The following EPHA6 variants were observed in gnomAD, a reference collection of about 807,000 sequenced individuals.
The protein encoded by EPHA6 is EPH receptor A6.
Under a neutral mutation model 112.0 loss-of-function variants are expected in EPHA6, and 50 were observed. The observed-to-expected ratio is 0.45, with a 90% CI of 0.36 to 0.56. The LOEUF is 0.56. Ranked by LOEUF, EPHA6 falls within the 20% of genes least tolerant of loss-of-function variation. The pLI, the probability that EPHA6 is intolerant of heterozygous loss-of-function variation, is 0.00. For synonymous variants in EPHA6, 529 were observed against 490.7 expected, an observed-to-expected ratio of 1.08 and a Z score of -1.03; for missense variants, 1,280 against 1,417.4, an observed-to-expected ratio of 0.90 and a Z score of 1.56.
At chr3:97,236,075 C>G (rs2078671350) in intron 4 of EPHA6, among the ~76,000 whole-genome samples, 1 of 151,678 alleles carries the variant, frequency 6.6e-6, no homozygotes, top group Non-Finnish European at 1.5e-5. Context: ...ATGCTCTGTA[C>G]TTTAAAGAAT....
At chr3:97,068,484 G>A (rs1022543675) in intron 3 of EPHA6, among the ~76,000 whole-genome samples, 2 of 152,044 alleles carry the variant, frequency 1.3e-5, no homozygotes, top group Middle Eastern at 3.2e-3. Context: ...GTCAGCAAGC[G>A]ACAGATGAAT....
chr3:96,970,462 G>T (rs970715269), intron 2 of EPHA6, among the ~76,000 whole-genome samples: 1 of 151,940 alleles, frequency 6.6e-6, no homozygotes, highest in Non-Finnish European at 1.5e-5. Flanking sequence ...AAATGCTATG[G>T]CTAGGTTAGG....
intron 2 of EPHA6, among the ~76,000 whole-genome samples, chr3:96,956,299 T>C (rs1242757016): frequency 6.6e-6 from 1 of 152,234 alleles, no homozygotes; most frequent in Non-Finnish European, 1.5e-5. Context: ...ACATAGGTCA[T>C]ATTAACTAAT....
At chr3:97,549,469 T>C (rs1577737733) in intron 11 of EPHA6, among the ~76,000 whole-genome samples, 1 of 152,218 alleles carries the variant, frequency 6.6e-6, no homozygotes, top group East Asian at 1.9e-4. Flanking sequence ...AAGAACAAAA[T>C]GTCAGAATCT....
intron 6 of EPHA6, among the ~76,000 whole-genome samples, chr3:97,444,253 G>C (rs1179849887): frequency 6.6e-6 from 1 of 151,862 alleles, no homozygotes; most frequent in African/African-American, 2.4e-5. Context: ...AAACAAAGAG[G>C]TGACACCTTT....
rs2036036641 is a variant in EPHA6, at chr3:97,756,793, G to A, written c.*8092G>A. Among the ~76,000 whole-genome samples the A allele has an allele frequency of 6.6e-6, 1 of 151,758 alleles. No individual in the cohort carries two copies. The highest frequency in any genetic ancestry group is 1.5e-5 in the Non-Finnish European group (1 of 67,762). On this transcript the variant is annotated 3_prime_UTR_variant, in exon 18 of 18. Coordinates refer to ENST00000389672, the MANE Select transcript of EPHA6 (RefSeq NM_001080448.3). ...AATATGAACATGAGTAACATTTGAT[G>A]TAAAGATTATGGTGTGTGCTTGATT...
In EPHA6 at chr3:96,814,750, A is replaced by T. The variant is rs767074393; in HGVS notation, c.127A>T (p.Arg43Trp). The change falls in exon 1 of 18, where the codon AGG becomes TGG. Residue 43 changes from arginine (R) to tryptophan (W), a missense_variant. Transcript: ENST00000389672. ...GTGCCCTGTTCCCGGGACCTCGCGCAGGGGGCGCCCCGGGACACCCCCTGC... is the reference window on the plus strand; with the variant it reads ...GTGCCCTGTTCCCGGGACCTCGCGCTGGGGGCGCCCCGGGACACCCCCTGC... ...PSCPVPGTSRRGRPGTPPAGR... is the reference protein window; with the variant it reads ...PSCPVPGTSRWGRPGTPPAGR... 1 of 1,594,034 alleles carries T rather than the reference A, an allele frequency of 6.3e-7. No individual in the cohort carries two copies. The highest frequency in any genetic ancestry group is 8.6e-7 in the Non-Finnish European group (1 of 1,169,332).
At chr3:96,934,838 T>C (rs2040498452) in intron 2 of EPHA6, among the ~76,000 whole-genome samples, 1 of 148,742 alleles carries the variant, frequency 6.7e-6, no homozygotes, top group Non-Finnish European at 1.5e-5. Flanking sequence ...AATATGAAAA[T>C]AGAGGTTAGA....
Position 97,188,569 on chromosome 3 carries a change from G to A in EPHA6, c.1115-37695G>A, listed in dbSNP as rs555899631. Among the ~76,000 whole-genome samples the A allele has an allele frequency of 3.3e-5, 5 of 151,918 alleles. No individual in the cohort carries two copies. In the South Asian group the frequency reaches 1.0e-3, roughly 32 times the overall value. Reference sequence around the variant, plus strand: ...TTTGCTTTAGAAAGAAATAAATACAGCAAACCATTATCATGGAGAAATGTT... The same window carrying A: ...TTTGCTTTAGAAAGAAATAAATACAACAAACCATTATCATGGAGAAATGTT... On this transcript the variant is annotated intron_variant, in intron 3 of 17. Coordinates refer to ENST00000389672, the MANE Select transcript of EPHA6 (RefSeq NM_001080448.3).
intron 12 of EPHA6, 58 bp from the exon 13 acceptor site, chr3:97,610,735 T>C: frequency 2.2e-6 from 3 of 1,372,198 alleles, no homozygotes; most frequent in East Asian, 4.6e-5. Context: ...ATCTCTTAAC[T>C]GCAGCACATA....
At chr3:97,480,996 G>A (rs2091524575) in intron 9 of EPHA6, among the ~76,000 whole-genome samples, 1 of 151,878 alleles carries the variant, frequency 6.6e-6, no homozygotes, top group Non-Finnish European at 1.5e-5. Context: ...CCCAGACTGG[G>A]TGGCTGGGCA....
intron 3 of EPHA6, among the ~76,000 whole-genome samples, chr3:97,169,002 T>C (rs932627490): frequency 1.3e-5 from 2 of 152,122 alleles, no homozygotes; most frequent in Non-Finnish European, 2.9e-5. Flanking sequence ...TATACACTCT[T>C]TTTTCTAGTA....
intron 10 of EPHA6, among the ~76,000 whole-genome samples, chr3:97,513,681 G>A (rs951271902): frequency 6.6e-6 from 1 of 151,542 alleles, no homozygotes; most frequent in East Asian, 1.9e-4. Flanking sequence ...GAGAGTGGGG[G>A]TGGGAGTGGG....
At chr3:97,445,370 T>G (rs991315803) in intron 6 of EPHA6, among the ~76,000 whole-genome samples, 2 of 152,152 alleles carry the variant, frequency 1.3e-5, no homozygotes, top group African/African-American at 4.8e-5. Context: ...GGAGGTTCAC[T>G]TTATGCCATT....
intron 2 of EPHA6, among the ~76,000 whole-genome samples, chr3:96,928,064 A>G (rs939087085): frequency 2.0e-5 from 3 of 152,206 alleles, no homozygotes; most frequent in African/African-American, 7.2e-5. Context: ...TCAGGAGAAC[A>G]GCATAGGGTG....
At chr3:97,675,329 A>C (rs529604332) in intron 14 of EPHA6, among the ~76,000 whole-genome samples, 3 of 152,078 alleles carry the variant, frequency 2.0e-5, no homozygotes, top group African/African-American at 7.2e-5. Context: ...AAATACAAAA[A>C]ATTAGCCAGG....
chr3:97,077,629 T>C (rs1372577639), intron 3 of EPHA6, among the ~76,000 whole-genome samples: 1 of 148,956 alleles, frequency 6.7e-6, no homozygotes, highest in East Asian at 2.0e-4. Context: ...CACCTATGAG[T>C]GAGAACATGC....
At chr3:97,534,663 A>G (rs952809104) in intron 11 of EPHA6, among the ~76,000 whole-genome samples, 29 of 152,156 alleles carry the variant, frequency 1.9e-4, no homozygotes, top group African/African-American at 6.8e-4. Flanking sequence ...CTATGCCATA[A>G]CACCTGGTAA....
At chr3:96,910,549 G>C (rs2039163601) in intron 2 of EPHA6, among the ~76,000 whole-genome samples, 1 of 152,046 alleles carries the variant, frequency 6.6e-6, no homozygotes, top group Admixed American at 6.6e-5. Context: ...CTCTAACCCA[G>C]TCATCAGTTA....
Sources: gnomAD v4.1 joint callset for allele counts (sites outside exome capture counted in the v4.1 genomes callset) on GRCh38, gnomAD v4.1.1 for gene constraint, MANE v1.5 for transcripts, NCBI Gene and HGNC (gene_info 2026-07-23, HGNC 2026-07-21) for gene names.